The following PCNX2 variants were observed in gnomAD, a reference collection of about 807,000 sequenced individuals.
PCNX2 encodes the protein pecanex-like protein 2.
Under a neutral mutation model 223.8 loss-of-function variants are expected in PCNX2, and 168 were observed. The ratio of observed to expected loss-of-function variants is 0.75; its 90% CI spans 0.66 to 0.85. The LOEUF (loss-of-function observed/expected upper bound fraction) is 0.85. Ranked by LOEUF, PCNX2 falls within the 40% of genes least tolerant of loss-of-function variation. PCNX2 has a pLI of 0.00. For synonymous variants in PCNX2, 1,006 were observed against 1,052.6 expected, an observed-to-expected ratio of 0.96 and a Z score of 0.86; for missense variants, 2,507 against 2,675.5, an observed-to-expected ratio of 0.94 and a Z score of 1.39.
At chr1:233,228,251 T>C (rs774046301) in intron 9 of PCNX2, among the ~76,000 whole-genome samples, 14 of 152,192 alleles carry the variant, frequency 9.2e-5, no homozygotes, top group Non-Finnish European at 1.6e-4. Flanking sequence ...TCCTTCATTG[T>C]TTGACCGTTT....
chr1:233,303,387 T>C, the PCNX2 span, among the ~76,000 whole-genome samples: 1 of 152,058 alleles, frequency 6.6e-6, no homozygotes, highest in Admixed American at 6.6e-5. Context: ...TGGTGGTGTG[T>C]GCCTGTAGTC....
chr1:233,239,153 T>C (rs1263788359), intron 8 of PCNX2, among the ~76,000 whole-genome samples: 2 of 152,102 alleles, frequency 1.3e-5, no homozygotes, highest in African/African-American at 4.8e-5. Flanking sequence ...GCTAACTACA[T>C]TGTAGGTAAG....
chr1:233,165,424 A>G (rs1431794246), intron 17 of PCNX2, among the ~76,000 whole-genome samples: 1 of 152,138 alleles, frequency 6.6e-6, no homozygotes, highest in South Asian at 2.1e-4. Flanking sequence ...CAAACATCCT[A>G]CAATGCACAA....
intron 26 of PCNX2, among the ~76,000 whole-genome samples, chr1:233,022,822 C>T (rs1189270824): frequency 2.0e-5 from 3 of 151,856 alleles, no homozygotes; most frequent in South Asian, 4.2e-4. Context: ...CTCAGCCTCC[C>T]GAATAGCTGG....
At chr1:233,137,348 T>A (rs1267409491) in intron 20 of PCNX2, among the ~76,000 whole-genome samples, 1 of 152,230 alleles carries the variant, frequency 6.6e-6, no homozygotes. Context: ...CTGTCCAGCA[T>A]GGGTTCCCAC....
At chr1:233,299,612 A>G (rs1662225871), upstream of PCNX2, among the ~76,000 whole-genome samples, 3 of 152,252 alleles carry the variant, frequency 2.0e-5, no homozygotes, top group South Asian at 6.2e-4. Context: ...ATGGCAGGGC[A>G]GTCTGGAAAG....
At chr1:233,113,500 CA>C (rs1049406775) in intron 21 of PCNX2, among the ~76,000 whole-genome samples, 3 of 151,948 alleles carry the variant, frequency 2.0e-5, no homozygotes, top group African/African-American at 7.3e-5. Context: ...GTTTATTTCT[CA>C]AAAAAACAGT....
chr1:233,150,785 T>C (rs1677750802), intron 19 of PCNX2, among the ~76,000 whole-genome samples: 1 of 152,120 alleles, frequency 6.6e-6, no homozygotes, highest in South Asian at 2.1e-4. Context: ...TAAAAATGTG[T>C]CCTTCACATT....
At chr1:233,032,752 C>T (rs1024451690) in intron 25 of PCNX2, among the ~76,000 whole-genome samples, 11 of 152,056 alleles carry the variant, frequency 7.2e-5, no homozygotes, top group African/African-American at 2.4e-4. Context: ...GAGGAACACA[C>T]GGGTATCTCT....
chr1:233,261,183 G>T, intron 4 of PCNX2, 102 bp downstream of exon 4: 1 of 1,099,550 alleles, frequency 9.1e-7, no homozygotes, highest in Non-Finnish European at 1.4e-6. Flanking sequence ...CTTAGGTATA[G>T]TTCTTATTTT....
intron 23 of PCNX2, among the ~76,000 whole-genome samples, chr1:233,060,889 C>T (rs1037247450): frequency 6.6e-6 from 1 of 152,174 alleles, no homozygotes; most frequent in Non-Finnish European, 1.5e-5. Flanking sequence ...CTGAGAAGCA[C>T]CCCTCTTTTA....
intron 23 of PCNX2, among the ~76,000 whole-genome samples, chr1:233,080,477 C>G (rs1443585767): frequency 6.6e-6 from 1 of 151,834 alleles, no homozygotes; most frequent in Non-Finnish European, 1.5e-5. Context: ...TTAAAAAATA[C>G]CATAAACCAG....
At chr1:233,225,693 C>T (rs780271753) in intron 10 of PCNX2, among the ~76,000 whole-genome samples, 2 of 152,178 alleles carry the variant, frequency 1.3e-5, no homozygotes, top group Admixed American at 6.5e-5. Context: ...TTTAAAATAA[C>T]AGACAAATCT....
chr1:233,270,822 T>C (rs1317989745), intron 1 of PCNX2, among the ~76,000 whole-genome samples: 1 of 152,140 alleles, frequency 6.6e-6, no homozygotes, highest in African/African-American at 2.4e-5. Flanking sequence ...ACCGTTAGGA[T>C]GGTGCTACAG....
At chr1:233,283,686 G>C (rs1262749494) in intron 1 of PCNX2, among the ~76,000 whole-genome samples, 2 of 151,252 alleles carry the variant, frequency 1.3e-5, no homozygotes, top group African/African-American at 2.5e-5. Context: ...AAAACTATGA[G>C]GACGGGGGAA....
At chr1:233,152,269 C>A (rs906175201) in intron 19 of PCNX2, among the ~76,000 whole-genome samples, 3 of 152,228 alleles carry the variant, frequency 2.0e-5, no homozygotes, top group African/African-American at 7.2e-5. Flanking sequence ...AATGCACTTT[C>A]CATACCAGTA....
chr1:233,142,086 T>C (rs773379191), intron 19 of PCNX2, among the ~76,000 whole-genome samples: 6 of 152,156 alleles, frequency 3.9e-5, no homozygotes, highest in African/African-American at 7.2e-5. Context: ...ATGTTGAATA[T>C]TCTTAATGGA....
intron 25 of PCNX2, 132 bp downstream of exon 25, chr1:233,054,136 G>A: frequency 1.4e-6 from 1 of 722,352 alleles, no homozygotes; most frequent in Admixed American, 2.8e-5. Context: ...TCAAGGTAGT[G>A]GTGGCAAGCT....
At chr1:233,255,694 G>T (rs1260225502) in intron 5 of PCNX2, among the ~76,000 whole-genome samples, 1 of 152,188 alleles carries the variant, frequency 6.6e-6, no homozygotes, top group Non-Finnish European at 1.5e-5. Flanking sequence ...GAGTACATTA[G>T]AGAGAACTGG....
Sources: gnomAD v4.1 joint callset for allele counts (sites outside exome capture counted in the v4.1 genomes callset) on GRCh38, gnomAD v4.1.1 for gene constraint, MANE v1.5 for transcripts, NCBI Gene and HGNC (gene_info 2026-07-23, HGNC 2026-07-21) for gene names.